Variants in CYP20A1 observed in about 807,000 individuals in gnomAD.
CYP20A1 encodes cytochrome P450 20A1.
Under a neutral mutation model 61.4 loss-of-function variants are expected in CYP20A1, and 61 were observed. That is an observed-to-expected ratio of 0.99 (90% CI 0.81 to 1.23). CYP20A1 has a LOEUF of 1.23. Ranked by LOEUF, CYP20A1 falls within the 50% of genes most tolerant of loss-of-function variation. The pLI is 0.00. For missense variants in CYP20A1, 530 were observed against 542.4 expected (o/e 0.98, Z 0.23); for synonymous variants, 193 against 188.2 (o/e 1.03, Z -0.21).
At chr2:203,267,705 G>A (rs1343607302) in intron 5 of CYP20A1, among the ~76,000 whole-genome samples, 11 of 151,610 alleles carry the variant, frequency 7.3e-5, no homozygotes, top group Admixed American at 3.9e-4. Context: ...TTTGCTGGGC[G>A]TGGTGGCAGG....
At position 203,304,860 on chromosome 2, in the gene CYP20A1, CAGGAGGTAGAGGTTGCAGTG is replaced by C. The variant is rs2069158144; in HGVS notation, c.*7955_*7974del. On this transcript the variant is annotated 3_prime_UTR_variant, in exon 13 of 13. Coordinates refer to ENST00000356079, the MANE Select transcript of CYP20A1 (RefSeq NM_177538.3). ...CTGAGGTGGGAGGATTGCTTGAGCC[CAGGAGGTAGAGGTTGCAGTG>C]AGCCATGATCATGCCACTGCACTCC... Among the ~76,000 whole-genome samples the C allele has an allele frequency of 6.6e-6, 1 of 151,984 alleles. No homozygotes were observed. Among genetic ancestry groups the C allele is most frequent in the Admixed American group, 6.6e-5 (1 of 15,250 alleles).
chr2:203,259,814 T>A (rs1384288756), intron 4 of CYP20A1: 1 of 151,098 alleles, frequency 6.6e-6, no homozygotes, highest in Non-Finnish European at 1.5e-5. Context: ...ACCTGGCTAA[T>A]TTTTGTATTT....
intron 9 of CYP20A1, among the ~76,000 whole-genome samples, chr2:203,288,180 C>T (rs563613610): frequency 2.0e-5 from 3 of 150,328 alleles, no homozygotes; most frequent in African/African-American, 7.3e-5. Context: ...ATTCTCATGC[C>T]GCAGCTTTCC....
At chr2:203,287,957 G>C (rs895417527) in intron 9 of CYP20A1, among the ~76,000 whole-genome samples, 2 of 147,708 alleles carry the variant, frequency 1.4e-5, no homozygotes, top group South Asian at 2.2e-4. Flanking sequence ...TTTTGGGGTG[G>C]AGTGTTTTTT....
chr2:203,264,554 A>G (rs1167857292), intron 4 of CYP20A1, among the ~76,000 whole-genome samples: 1 of 152,086 alleles, frequency 6.6e-6, no homozygotes, highest in African/African-American at 2.4e-5. Flanking sequence ...TGGGACTAGT[A>G]TATAGTTGTA....
chr2:203,272,954 C>T (rs1326103744), intron 6 of CYP20A1, among the ~76,000 whole-genome samples: 2 of 151,496 alleles, frequency 1.3e-5, no homozygotes, highest in African/African-American at 2.4e-5. Context: ...TCAAGCAATT[C>T]TCCTGCCTCA....
At position 203,302,868 on chromosome 2, in the gene CYP20A1, T is replaced by C. The variant is rs888924250; in HGVS notation, c.*5960T>C. The stretch of plus-strand genomic sequence containing the variant: ...CCATCACACCCAGCTCATTTTTGTA[T>C]TTTTAGTAGAGATGGGGTTTTACCG... On this transcript the variant is annotated 3_prime_UTR_variant, in exon 13 of 13. Transcript: ENST00000356079. 1.3e-5 allele frequency among the ~76,000 whole-genome samples: 2 copies of C among 151,990 alleles called. No homozygotes were observed. Among genetic ancestry groups the C allele is most frequent in the Non-Finnish European group, 2.9e-5 (2 of 68,008 alleles).
intron 6 of CYP20A1, 97 bp from the exon 7 acceptor site, chr2:203,278,476 G>A: frequency 2.0e-6 from 1 of 504,244 alleles, no homozygotes; most frequent in South Asian, 4.8e-5. Context: ...AACTTTGAAG[G>A]TTTTCTTCAT....
intron 10 of CYP20A1, 62 bp downstream of exon 10, chr2:203,289,938 G>C (rs973196357): frequency 2.6e-6 from 2 of 758,274 alleles, no homozygotes; most frequent in African/African-American, 3.6e-5. Flanking sequence ...GTGTGTGTGT[G>C]TGTATATATA....
At chr2:203,253,300 G>A (rs756206479) in intron 4 of CYP20A1, among the ~76,000 whole-genome samples, 2 of 152,204 alleles carry the variant, frequency 1.3e-5, no homozygotes, top group Non-Finnish European at 2.9e-5. Context: ...CGCCAGGTCA[G>A]GGGAGAGCTG....
Position 203,266,675 on chromosome 2 carries a change from T to C in CYP20A1, c.594T>C (p.His198=). 1 of 1,613,782 alleles carries C rather than the reference T, an allele frequency of 6.2e-7. No homozygotes were observed. The highest frequency in any genetic ancestry group is 1.1e-5 in the South Asian group (1 of 91,066). ...AAGTCATTCGCTTCCAGAAGAATCATGGCACAGTAAGTCTGGGGCTAAATT... is the reference window on the plus strand; with the variant it reads ...AAGTCATTCGCTTCCAGAAGAATCACGGCACAGTAAGTCTGGGGCTAAATT... ...DQEVIRFQKN[H]GTVWSEIGKG... The change falls in exon 5 of 13, where the codon CAT becomes CAC. Residue 198 remains histidine (H), a synonymous_variant. Coordinates refer to ENST00000356079, the MANE Select transcript of CYP20A1 (RefSeq NM_177538.3).
chr2:203,267,282 C>T (rs917382480), intron 5 of CYP20A1, among the ~76,000 whole-genome samples: 2 of 152,134 alleles, frequency 1.3e-5, no homozygotes, highest in African/African-American at 4.8e-5. Context: ...CCTGTAATCC[C>T]AGCACTTTGG....
intron 5 of CYP20A1, among the ~76,000 whole-genome samples, chr2:203,272,387 G>T (rs2067637116): frequency 6.6e-6 from 1 of 151,618 alleles, no homozygotes; most frequent in Non-Finnish European, 1.5e-5. Context: ...ACAAAAAATA[G>T]AAAAATTAGC....
chr2:203,288,774 G>A (rs2152107535), intron 9 of CYP20A1, among the ~76,000 whole-genome samples: 1 of 152,306 alleles, frequency 6.6e-6, no homozygotes, highest in African/African-American at 2.4e-5. Context: ...GATGTATGCA[G>A]TAGGACAGTG....
chr2:203,245,954 C>A, intron 2 of CYP20A1, 59 bp downstream of exon 2: 2 of 1,156,710 alleles, frequency 1.7e-6, no homozygotes, highest in Non-Finnish European at 2.5e-6. Flanking sequence ...GATATCAAGA[C>A]TAAACCATAT....
chr2:203,304,756 C>G lies in CYP20A1; in HGVS notation c.*7848C>G, dbSNP rs759971286. 3.5e-4 allele frequency among the ~76,000 whole-genome samples: 53 copies of G among 151,982 alleles called. 1 individual carries two copies. The highest frequency in any genetic ancestry group is 3.4e-3 in the Admixed American group (52 of 15,242). On this transcript the variant is annotated 3_prime_UTR_variant, in exon 13 of 13. Coordinates refer to ENST00000356079, the MANE Select transcript of CYP20A1 (RefSeq NM_177538.3). ...TTTGAGACTAGCCTAGGCAACATGG[C>G]GAAACTGCATCTCTACAAAAAATAC...
Position 203,303,431 on chromosome 2 carries a change from C to T in CYP20A1, c.*6523C>T, listed in dbSNP as rs759649778. On this transcript the variant is annotated 3_prime_UTR_variant, in exon 13 of 13. Transcript: ENST00000356079. The stretch of plus-strand genomic sequence containing the variant: ...ATTCATAATTATTGCAAAAATAGGC[C>T]GGGCCTGTAATTCCAGCACTTTGGG... Among the ~76,000 whole-genome samples, 10 of 151,326 alleles carry T rather than the reference C, an allele frequency of 6.6e-5. No homozygotes were observed. Among genetic ancestry groups the T allele is most frequent in the South Asian group, 2.1e-4 (1 of 4,706 alleles).
At chr2:203,295,262 A>G (rs1308009234) in intron 11 of CYP20A1, among the ~76,000 whole-genome samples, 1 of 151,696 alleles carries the variant, frequency 6.6e-6, no homozygotes, top group East Asian at 1.9e-4. Flanking sequence ...TTTAATAGAG[A>G]TGAGGTCTCG....
intron 9 of CYP20A1, among the ~76,000 whole-genome samples, chr2:203,286,776 C>G (rs943356281): frequency 6.6e-6 from 1 of 152,064 alleles, no homozygotes; most frequent in Non-Finnish European, 1.5e-5. Context: ...AAAATTCAAA[C>G]CGTACAGGTA....
Sources: allele counts gnomAD v4.1 joint callset (sites outside exome capture counted in the v4.1 genomes callset), GRCh38; gene constraint gnomAD v4.1.1; transcripts MANE v1.5; gene names NCBI Gene and HGNC (gene_info 2026-07-23, HGNC 2026-07-21).